TRA2B: variants seen among roughly 807,000 people sequenced by gnomAD.
The protein encoded by TRA2B is transformer-2 protein homolog beta.
TRA2B carries 14 observed loss-of-function variants against 41.7 expected under a neutral mutation model. The observed-to-expected ratio is 0.34, with a 90% confidence interval of 0.22 to 0.53. The LOEUF (loss-of-function observed/expected upper bound fraction) is 0.53, where lower values mean the gene tolerates loss of function less well. Ranked by LOEUF, TRA2B falls within the 20% of genes least tolerant of loss-of-function variation. The pLI is 0.95. For synonymous variants in TRA2B, 130 were observed against 128.8 expected (o/e 1.01, Z -0.06); for missense variants, 167 against 396.8 (o/e 0.42, Z 4.92).
At position 185,926,738 on chromosome 3, in the gene TRA2B, C is replaced by T. The variant is rs1297059450; in HGVS notation, c.37-4G>A. On this transcript the variant is annotated splice_polypyrimidine_tract_variant and splice_region_variant and intron_variant, in intron 1 of 8. Coordinates refer to ENST00000453386, the MANE Select transcript of TRA2B (RefSeq NM_004593.3). ...TTCTGGAAGCAGAACGGGATTCCTACACGTAGATGTTAAAAGTTTAATTTG... is the reference window on the plus strand; with the variant it reads ...TTCTGGAAGCAGAACGGGATTCCTATACGTAGATGTTAAAAGTTTAATTTG... 1.2e-6 allele frequency: 2 copies of T among 1,613,848 alleles called. No homozygotes were observed. The highest frequency in any genetic ancestry group is 3.3e-5 in the Admixed American group (2 of 60,000).
chr3:185,915,997 ATTC>A lies in TRA2B; in HGVS notation c.*1715_*1717del, dbSNP rs1369911973. On this transcript the variant is annotated 3_prime_UTR_variant, in exon 9 of 9. Coordinates refer to ENST00000453386, the MANE Select transcript of TRA2B (RefSeq NM_004593.3). ...TCAACTTTATATATAAATACTACAA[ATTC>A]TTGTTTCAAAACTCATTGAGAACAA... 1.3e-5 allele frequency: 2 copies of A among 152,198 alleles called. No homozygotes were observed. The highest frequency in any genetic ancestry group is 4.8e-5 in the African/African-American group (2 of 41,448). The allele number at this position is 152,198 out of a possible 1,614,324, so 9.4% of individuals were successfully genotyped here. A position where few individuals can be genotyped will look rare whatever the true frequency, so the allele number is the denominator to read the frequency against.
At chr3:185,935,658 G>A (rs1744321730) in intron 1 of TRA2B, 5 of 985,354 alleles carry the variant, frequency 5.1e-6, no homozygotes, top group Non-Finnish European at 6.0e-6. Flanking sequence ...TCATTTTTCT[G>A]GCTCCAGAGA....
At chr3:185,932,136 A>G (rs1744171711) in intron 1 of TRA2B, among the ~76,000 whole-genome samples, 1 of 152,208 alleles carries the variant, frequency 6.6e-6, no homozygotes, top group African/African-American at 2.4e-5. Flanking sequence ...TTTAAGAACT[A>G]TTAGTTACAT....
At chr3:185,921,545 A>G (rs1254823617) in intron 5 of TRA2B, among the ~76,000 whole-genome samples, 1 of 152,132 alleles carries the variant, frequency 6.6e-6, no homozygotes, top group Non-Finnish European at 1.5e-5. Flanking sequence ...CGGGCAGATC[A>G]TGAGGTCAGG....
chr3:185,918,319 C>G (rs780774604), intron 8 of TRA2B, 46 bp downstream of exon 8: 94 of 1,411,574 alleles, frequency 6.7e-5, no homozygotes, highest in Non-Finnish European at 7.9e-5. Context: ...GTCATCAGAG[C>G]AAGCCATACT....
chr3:185,925,991 A>G (rs1023726439), intron 2 of TRA2B, among the ~76,000 whole-genome samples: 8 of 152,154 alleles, frequency 5.3e-5, no homozygotes, highest in South Asian at 2.1e-4. Flanking sequence ...ATACAGTAAC[A>G]AAATCACAAG....
chr3:185,921,252 T>TA, intron 5 of TRA2B, 65 bp from the exon 6 acceptor site: 1 of 1,368,056 alleles, frequency 7.3e-7, no homozygotes, highest in South Asian at 1.2e-5. Context: ...TTATATCTAC[T>TA]AGTAGGCCTT....
intron 7 of TRA2B, among the ~76,000 whole-genome samples, chr3:185,918,903 T>C (rs1209296687): frequency 6.6e-6 from 1 of 152,036 alleles, no homozygotes; most frequent in African/African-American, 2.4e-5. Context: ...CTACTCGGGA[T>C]GCAGAGACTG....
chr3:185,926,279 A>G (rs751542114), intron 2 of TRA2B, among the ~76,000 whole-genome samples: 1 of 152,106 alleles, frequency 6.6e-6, no homozygotes, highest in Non-Finnish European at 1.5e-5. Context: ...TATTTGCCAT[A>G]CTAGTAAGCA....
In TRA2B at chr3:185,923,738, G is replaced by A. The variant is rs545855907; in HGVS notation, c.522+58C>T. 1.0e-4 allele frequency: 151 copies of A among 1,483,062 alleles called. 2 individuals are homozygous for A. In the South Asian group the frequency reaches 1.3e-3, roughly 13 times the overall value. 91.9% of individuals were successfully genotyped at this position (1,483,062 alleles called of 1,614,324 possible). On this transcript the variant is annotated intron_variant, in intron 4 of 8. Coordinates refer to ENST00000453386, the MANE Select transcript of TRA2B (RefSeq NM_004593.3). ...GTCCTTATCCTAGCAATTGGTCACT[G>A]ATAACTTGGCGTTAACAATAGAACT...
At chr3:185,933,258 T>C (rs905494282) in intron 1 of TRA2B, among the ~76,000 whole-genome samples, 2 of 152,186 alleles carry the variant, frequency 1.3e-5, no homozygotes, top group Non-Finnish European at 2.9e-5. Flanking sequence ...ACCTTCCTGC[T>C]GTTACTTCAT....
At chr3:185,919,400 T>C (rs370183083) in intron 7 of TRA2B, 37 bp downstream of exon 7, 3 of 1,560,398 alleles carry the variant, frequency 1.9e-6, no homozygotes, top group African/African-American at 2.7e-5. Flanking sequence ...TGAAGCTTTA[T>C]ACTGTTGTAC....
rs1360656504 is a variant in TRA2B, at chr3:185,916,695, C to G, written c.*1020G>C. The G allele has an allele frequency of 1.3e-5, 2 of 152,594 alleles. No individual in the cohort carries two copies. Among genetic ancestry groups the G allele is most frequent in the Non-Finnish European group, 2.9e-5 (2 of 68,036 alleles). The allele number at this position is 152,594 out of a possible 1,614,324, so 9.5% of individuals were successfully genotyped here. The stretch of plus-strand genomic sequence containing the variant: ...CTAACGATTAAACTACAGAAGAACT[C>G]TAATTATAATAGAACAAGAACACTT... On this transcript the variant is annotated 3_prime_UTR_variant, in exon 9 of 9. Transcript: ENST00000453386.
intron 1 of TRA2B, chr3:185,931,897 G>A: frequency 1.6e-6 from 2 of 1,280,400 alleles, no homozygotes; most frequent in South Asian, 4.4e-5. Context: ...AAAACTCCAG[G>A]ATAAAATCCA....
chr3:185,926,580 T>G (rs756872723), intron 2 of TRA2B, 21 bp downstream of exon 2: 1 of 1,613,642 alleles, frequency 6.2e-7, no homozygotes, highest in South Asian at 1.1e-5. Context: ...AACGAGGAAA[T>G]CTCAAGACAG....
At chr3:185,928,500 T>A (rs1017319038) in intron 1 of TRA2B, 1 of 152,118 alleles carries the variant, frequency 6.6e-6, no homozygotes, top group Non-Finnish European at 1.5e-5. Context: ...TTAACAACAA[T>A]CCCTTGGAAT....
At chr3:185,935,563 G>C in intron 1 of TRA2B, 1 of 985,426 alleles carries the variant, frequency 1.0e-6, no homozygotes, top group Non-Finnish European at 1.2e-6. Context: ...ATTAGAGACA[G>C]ATAAATAAGG....
At chr3:185,926,931 T>C (rs1348948380) in intron 1 of TRA2B, 197 bp from the exon 2 acceptor site, 1 of 607,890 alleles carries the variant, frequency 1.6e-6, no homozygotes, top group Non-Finnish European at 2.7e-6. Flanking sequence ...ACTTGTCCTT[T>C]CTTCCACCTT....
At chr3:185,927,102 C>T (rs1037628194) in intron 1 of TRA2B, 1 of 155,150 alleles carries the variant, frequency 6.4e-6, no homozygotes, top group African/African-American at 2.4e-5. Flanking sequence ...ATACTTTATA[C>T]CTATTTCAAT....
Sources: allele counts gnomAD v4.1 joint callset (sites outside exome capture counted in the v4.1 genomes callset), GRCh38; gene constraint gnomAD v4.1.1; transcripts MANE v1.5; gene names NCBI Gene and HGNC (gene_info 2026-07-23, HGNC 2026-07-21).